Variants in CDK6 observed in about 807,000 individuals in gnomAD.
The protein encoded by CDK6 is cyclin-dependent kinase 6.
CDK6 carries 6 observed loss-of-function variants against 37.1 expected under a neutral mutation model. The ratio of observed to expected loss-of-function variants is 0.16; its 90% CI spans 0.09 to 0.32. CDK6 has a LOEUF of 0.32. Among genes scored for constraint, CDK6 ranks in the 10% least tolerant of loss-of-function variants. CDK6 has a pLI of 1.00. For synonymous variants in CDK6, 160 were observed against 161.3 expected (o/e 0.99, Z 0.06); for missense variants, 224 against 418.9 (o/e 0.53, Z 4.06).
Position 92,642,331 on chromosome 7 carries a change from G to C in CDK6, c.648-19245C>G, listed in dbSNP as rs1348033545. On this transcript the variant is annotated intron_variant, in intron 5 of 7. Coordinates refer to ENST00000424848, the MANE Select transcript of CDK6 (RefSeq NM_001145306.2). ...TTGTGGTGACTGTGGTGGGATATAG[G>C]GGGAGAGATATAAGGAGCACTACAA... Among the ~76,000 whole-genome samples, 12 of 152,232 alleles carry C rather than the reference G, an allele frequency of 7.9e-5. No homozygotes were observed. In the South Asian group the frequency reaches 2.5e-3, roughly 32 times the overall value.
intron 2 of CDK6, among the ~76,000 whole-genome samples, chr7:92,809,703 T>G (rs1055159530): frequency 6.6e-6 from 1 of 152,170 alleles, no homozygotes; most frequent in Non-Finnish European, 1.5e-5. Flanking sequence ...AAGTATCTAA[T>G]CCAGTGTGAA....
intron 6 of CDK6, 51 bp from the exon 7 acceptor site, chr7:92,618,258 G>A (rs2116485374): frequency 6.3e-7 from 1 of 1,588,632 alleles, no homozygotes; most frequent in Non-Finnish European, 8.6e-7. Context: ...TGCAGAAGCT[G>A]TTTTCTCATC....
intron 3 of CDK6, among the ~76,000 whole-genome samples, chr7:92,740,992 A>G (rs1798911340): frequency 6.6e-6 from 1 of 152,240 alleles, no homozygotes; most frequent in South Asian, 2.1e-4. Context: ...CTAGGAATTC[A>G]GGCTACAAAA....
chr7:92,752,226 A>G (rs1300922831), intron 3 of CDK6, among the ~76,000 whole-genome samples: 1 of 152,216 alleles, frequency 6.6e-6, no homozygotes, highest in Non-Finnish European at 1.5e-5. Flanking sequence ...TTTAAAAAAA[A>G]GCCAAACCCA....
intron 5 of CDK6, among the ~76,000 whole-genome samples, chr7:92,651,501 C>A (rs1305548398): frequency 6.6e-6 from 1 of 152,072 alleles, no homozygotes. Context: ...CTAAATTTTA[C>A]CCATTTCCAG....
At chr7:92,707,751 T>C (rs1303953132) in intron 4 of CDK6, among the ~76,000 whole-genome samples, 1 of 152,206 alleles carries the variant, frequency 6.6e-6, no homozygotes, top group African/African-American at 2.4e-5. Context: ...AAATGTAGTA[T>C]TAGAAAGAAT....
At chr7:92,805,673 T>A (rs1290673251) in intron 2 of CDK6, among the ~76,000 whole-genome samples, 3 of 152,148 alleles carry the variant, frequency 2.0e-5, no homozygotes, top group African/African-American at 7.2e-5. Context: ...TTCGAAACGA[T>A]TTAAGAACTA....
rs964713489 is a variant in CDK6 at position 92,834,200 on chromosome 7, G to C, written c.-367-510C>G. 6.6e-6 allele frequency among the ~76,000 whole-genome samples: 1 copy of C among 152,154 alleles called. No homozygotes were observed. Among genetic ancestry groups the C allele is most frequent in the African/African-American group, 2.4e-5 (1 of 41,444 alleles). Reference sequence around the variant, plus strand: ...ACTGTGGGTCCATCCGTGTGGGGCCGCAGAATGTGGGTGGGGGCTCCCAGG... The same window carrying C: ...ACTGTGGGTCCATCCGTGTGGGGCCCCAGAATGTGGGTGGGGGCTCCCAGG... On this transcript the variant is annotated intron_variant, in intron 1 of 7. Transcript: ENST00000424848. This position sits in a 1 kb window ranked among gnomAD's most constrained non-coding sequence, Gnocchi z 4.6.
Position 92,833,335 on chromosome 7 carries a change from G to T in CDK6, c.-12C>A. 2 of 1,544,386 alleles carry T rather than the reference G, an allele frequency of 1.3e-6. No homozygotes were observed. Among genetic ancestry groups the T allele is most frequent in the Non-Finnish European group, 8.7e-7 (1 of 1,147,302 alleles). The stretch of plus-strand genomic sequence containing the variant: ...CCGTCCTTCTCCATGCCGCCTGGAC[G>T]CCGCCCGCCGCGGCGCCGCTGGGGC... On this transcript the variant is annotated 5_prime_UTR_variant, in exon 2 of 8. Coordinates refer to ENST00000424848, the MANE Select transcript of CDK6 (RefSeq NM_001145306.2). This position sits in a 1 kb window ranked among gnomAD's most constrained non-coding sequence, Gnocchi z 6.1.
At chr7:92,700,908 C>A (rs995810486) in intron 4 of CDK6, among the ~76,000 whole-genome samples, 1 of 152,332 alleles carries the variant, frequency 6.6e-6, no homozygotes, top group East Asian at 1.9e-4. Flanking sequence ...ATATCCACTG[C>A]GGTAACATGA....
intron 4 of CDK6, among the ~76,000 whole-genome samples, chr7:92,708,500 C>T (rs1798015870): frequency 6.6e-6 from 1 of 152,000 alleles, no homozygotes; most frequent in African/African-American, 2.4e-5. Context: ...ATACAATTTG[C>T]CAACTTTAGC....
At chr7:92,712,398 A>G (rs79866295) in intron 4 of CDK6, among the ~76,000 whole-genome samples, 4,262 of 152,280 alleles carry the variant, frequency 0.028, 176 homozygotes, top group African/African-American at 0.096. Context: ...TTATTTTTCT[A>G]AAATATTATG....
intron 4 of CDK6, among the ~76,000 whole-genome samples, chr7:92,695,219 T>C (rs1209105379): frequency 6.7e-6 from 1 of 148,822 alleles, no homozygotes; most frequent in Non-Finnish European, 1.5e-5. Flanking sequence ...AGGCAGAAAT[T>C]AGGGGGAAAA....
intron 3 of CDK6, among the ~76,000 whole-genome samples, chr7:92,730,007 G>A (rs1160769336): frequency 1.3e-5 from 2 of 152,202 alleles, no homozygotes; most frequent in African/African-American, 4.8e-5. Context: ...GCCTCCCAAA[G>A]TGCTGCAATT....
intron 5 of CDK6, among the ~76,000 whole-genome samples, chr7:92,647,113 C>A (rs1796470509): frequency 6.6e-6 from 1 of 152,146 alleles, no homozygotes; most frequent in African/African-American, 2.4e-5. Context: ...GCAGTATGTT[C>A]ATTCATTTAT....
chr7:92,766,945 C>A (rs1799595634), intron 3 of CDK6, among the ~76,000 whole-genome samples: 2 of 152,190 alleles, frequency 1.3e-5, no homozygotes, highest in South Asian at 2.1e-4. Flanking sequence ...TTTTCTTAAA[C>A]CCATATTTCC....
intron 5 of CDK6, among the ~76,000 whole-genome samples, chr7:92,659,968 T>C (rs1796800159): frequency 6.6e-6 from 1 of 152,164 alleles, no homozygotes; most frequent in Non-Finnish European, 1.5e-5. Context: ...CCGAGAAATC[T>C]CTGGACTATG....
At chr7:92,720,430 C>T (rs940799283) in intron 4 of CDK6, among the ~76,000 whole-genome samples, 2 of 152,298 alleles carry the variant, frequency 1.3e-5, no homozygotes, top group African/African-American at 2.4e-5. Context: ...GCTGGTCACA[C>T]TGCCTGTTTG....
intron 4 of CDK6, among the ~76,000 whole-genome samples, chr7:92,702,855 A>C (rs1243100773): frequency 6.6e-6 from 1 of 152,132 alleles, no homozygotes; most frequent in Non-Finnish European, 1.5e-5. Context: ...CAATCTGGGC[A>C]CTTTTGGCAT....
Sources: allele counts gnomAD v4.1 joint callset (sites outside exome capture counted in the v4.1 genomes callset), GRCh38; gene constraint gnomAD v4.1.1; non-coding constraint Gnocchi (gnomAD v3.1); transcripts MANE v1.5; gene names NCBI Gene and HGNC (gene_info 2026-07-23, HGNC 2026-07-21).